Variants in GALNT13 observed in about 807,000 individuals in gnomAD.
The protein encoded by GALNT13 is polypeptide N-acetylgalactosaminyltransferase 13, also known as UDP-GalNAc:polypeptide N-acetylgalactosaminyltransferase 13.
A neutral mutation model predicts 64.2 loss-of-function variants in GALNT13; 28 were observed. That is an observed-to-expected ratio of 0.44 (90% CI 0.32 to 0.60). The LOEUF is 0.60. Among genes scored for constraint, GALNT13 ranks in the 20% least tolerant of loss-of-function variants. The pLI is 0.05. For missense variants in GALNT13, 577 were observed against 669.8 expected, an observed-to-expected ratio of 0.86 and a Z score of 1.53; for synonymous variants, 214 against 224.6, an observed-to-expected ratio of 0.95 and a Z score of 0.42.
chr2:153,591,878 G>GGGTAAAT, the GALNT13 span, among the ~76,000 whole-genome samples: 1 of 152,010 alleles, frequency 6.6e-6, no homozygotes, highest in Admixed American at 6.6e-5. Context: ...ATAATCAACA[G>GGGTAAAT]GGTAAATAGA....
the GALNT13 span, among the ~76,000 whole-genome samples, chr2:153,225,704 T>C: frequency 6.6e-6 from 1 of 152,110 alleles, no homozygotes; most frequent in Admixed American, 6.6e-5. Flanking sequence ...TAATTTGAAA[T>C]TTAAAAATAA....
chr2:153,936,720 A>C lies in GALNT13; in HGVS notation c.-104-7674A>C, dbSNP rs151114842. ...GCAGAACAGGGAAGATATCTAATTAAATTTAATTTTTTTTTTTTTTGAGAC... is the reference window on the plus strand; with the variant it reads ...GCAGAACAGGGAAGATATCTAATTACATTTAATTTTTTTTTTTTTTGAGAC... On this transcript the variant is annotated intron_variant, in intron 2 of 12. Transcript: ENST00000392825. Among the ~76,000 whole-genome samples the C allele has an allele frequency of 8.6e-4, 131 of 152,106 alleles. 1 individual carries two copies. The highest frequency in any genetic ancestry group is 6.3e-3 in the Admixed American group (96 of 15,238).
At chr2:153,416,357 T>A in the GALNT13 span, among the ~76,000 whole-genome samples, 1 of 152,168 alleles carries the variant, frequency 6.6e-6, no homozygotes, top group Non-Finnish European at 1.5e-5. Flanking sequence ...AGCCAAATAA[T>A]TTAATTATCA....
chr2:153,958,715 C>T (rs1053025203), intron 3 of GALNT13, among the ~76,000 whole-genome samples: 1 of 152,076 alleles, frequency 6.6e-6, no homozygotes, highest in Admixed American at 6.5e-5. Flanking sequence ...CAAGGTGTTA[C>T]AAATTAGATC....
At chr2:153,260,412 T>C in the GALNT13 span, among the ~76,000 whole-genome samples, 3 of 152,218 alleles carry the variant, frequency 2.0e-5, no homozygotes, top group African/African-American at 4.8e-5. Flanking sequence ...CTCAGTTTTG[T>C]ATGATTGGGA....
chr2:153,211,132 A>C, the GALNT13 span, among the ~76,000 whole-genome samples: 5 of 147,414 alleles, frequency 3.4e-5, no homozygotes. Flanking sequence ...ACATTGACAA[A>C]CCTTTTTTTT....
At chr2:153,489,814 A>G in the GALNT13 span, among the ~76,000 whole-genome samples, 1 of 152,200 alleles carries the variant, frequency 6.6e-6, no homozygotes, top group Non-Finnish European at 1.5e-5. Context: ...TAGCATATCA[A>G]AACTGTTGCA....
the GALNT13 span, among the ~76,000 whole-genome samples, chr2:153,661,024 A>G: frequency 6.6e-6 from 1 of 152,112 alleles, no homozygotes; most frequent in Non-Finnish European, 1.5e-5. Context: ...ATAGGTATAA[A>G]TAGGGGAAAA....
the GALNT13 span, among the ~76,000 whole-genome samples, chr2:153,406,149 C>T: frequency 1.3e-5 from 2 of 152,098 alleles, no homozygotes; most frequent in Non-Finnish European, 2.9e-5. Context: ...AAAAAATTTT[C>T]CCTGTGATTT....
chr2:154,074,348 A>G (rs1700881802), intron 3 of GALNT13, among the ~76,000 whole-genome samples: 1 of 152,102 alleles, frequency 6.6e-6, no homozygotes, highest in Non-Finnish European at 1.5e-5. Context: ...CGACTGGTAT[A>G]ACATGATACA....
At chr2:153,992,109 A>C (rs1167122595) in intron 3 of GALNT13, among the ~76,000 whole-genome samples, 1 of 152,174 alleles carries the variant, frequency 6.6e-6, no homozygotes, top group South Asian at 2.1e-4. Flanking sequence ...CTAGGGCTTT[A>C]TAATATAGTG....
At chr2:153,470,102 T>A in the GALNT13 span, among the ~76,000 whole-genome samples, 1 of 152,088 alleles carries the variant, frequency 6.6e-6, no homozygotes. Context: ...AAGACATAGA[T>A]CCCCTTAACC....
chr2:153,810,601 TG>T, the GALNT13 span, among the ~76,000 whole-genome samples: 1 of 152,088 alleles, frequency 6.6e-6, no homozygotes, highest in Non-Finnish European at 1.5e-5. Context: ...GAGAGAGAAT[TG>T]AAGAATAAAG....
the GALNT13 span, among the ~76,000 whole-genome samples, chr2:153,402,396 A>G: frequency 0.014 from 2,120 of 150,450 alleles, 45 homozygotes; most frequent in African/African-American, 0.049. Flanking sequence ...GAATCTGACA[A>G]TTATGTGTCT....
chr2:153,813,646 C>T, the GALNT13 span, among the ~76,000 whole-genome samples: 2 of 152,154 alleles, frequency 1.3e-5, no homozygotes, highest in African/African-American at 4.8e-5. Flanking sequence ...TTATTTTCTA[C>T]AACTTCCCGC....
At chr2:153,920,878 T>C (rs1022354618) in intron 2 of GALNT13, among the ~76,000 whole-genome samples, 9 of 152,108 alleles carry the variant, frequency 5.9e-5, no homozygotes, top group Non-Finnish European at 1.3e-4. Flanking sequence ...GAAAACATGC[T>C]CAACATCACT....
the GALNT13 span, among the ~76,000 whole-genome samples, chr2:153,591,775 T>A: frequency 2.0e-5 from 3 of 151,764 alleles, no homozygotes; most frequent in African/African-American, 7.3e-5. Context: ...AGGCAAAAAA[T>A]TTATGATGAA....
chr2:154,347,616 A>C (rs1696145627), intron 9 of GALNT13, among the ~76,000 whole-genome samples: 1 of 152,182 alleles, frequency 6.6e-6, no homozygotes, highest in Non-Finnish European at 1.5e-5. Context: ...TTGCCAGACA[A>C]AGTCATAGAA....
Position 154,008,583 on chromosome 2 carries a change from C to T in GALNT13, c.142+63944C>T, listed in dbSNP as rs111326847. Among the ~76,000 whole-genome samples, 251 of 152,126 alleles carry T rather than the reference C, an allele frequency of 1.6e-3. 1 individual carries two copies. In the Middle Eastern group the frequency reaches 0.017, roughly 10 times the overall value. ...TAGTTTTTTGATCCCCACCTTCCTC[C>T]CACCCTCCCTGCTCAACTAGGCCCT... On this transcript the variant is annotated intron_variant, in intron 3 of 12. Transcript: ENST00000392825.
Sources: allele counts gnomAD v4.1 joint callset (sites outside exome capture counted in the v4.1 genomes callset), GRCh38; gene constraint gnomAD v4.1.1; transcripts MANE v1.5; gene names NCBI Gene and HGNC (gene_info 2026-07-23, HGNC 2026-07-21).